CPA6: variants seen among roughly 807,000 people sequenced by gnomAD.
CPA6 encodes carboxypeptidase A6.
Under a neutral mutation model 63.3 loss-of-function variants are expected in CPA6, and 58 were observed. That is an observed-to-expected ratio of 0.92 (90% CI 0.74 to 1.14). The LOEUF is 1.14. Among genes scored for constraint, CPA6 ranks in the 50% most tolerant of loss-of-function variants. CPA6 has a pLI of 0.00. For synonymous variants in CPA6, 185 were observed against 179.0 expected (o/e 1.03, Z -0.27); for missense variants, 565 against 526.6 (o/e 1.07, Z -0.71).
chr8:67,630,803 G>A (rs1185413760), intron 1 of CPA6, among the ~76,000 whole-genome samples: 8 of 152,220 alleles, frequency 5.3e-5, no homozygotes, highest in Admixed American at 3.9e-4. Context: ...CAGGCTCCGC[G>A]GCCCCGCACT....
chr8:67,631,744 C>G (rs892474941), intron 1 of CPA6, among the ~76,000 whole-genome samples: 5 of 152,146 alleles, frequency 3.3e-5, no homozygotes, highest in African/African-American at 9.7e-5. Flanking sequence ...TCTGCACTGC[C>G]TTTATGAGCT....
intron 1 of CPA6, among the ~76,000 whole-genome samples, chr8:67,645,661 G>C (rs1041664072): frequency 6.6e-6 from 1 of 152,158 alleles, no homozygotes; most frequent in African/African-American, 2.4e-5. Flanking sequence ...CAGCTTCAAG[G>C]TTTAGAGAAA....
intron 2 of CPA6, among the ~76,000 whole-genome samples, chr8:67,533,806 T>C (rs2128969397): frequency 6.6e-6 from 1 of 152,312 alleles, no homozygotes; most frequent in Non-Finnish European, 1.5e-5. Flanking sequence ...ACTCCCTTCC[T>C]AAGTAGAATG....
intron 8 of CPA6, among the ~76,000 whole-genome samples, chr8:67,444,713 A>C (rs1810374757): frequency 6.6e-6 from 1 of 150,386 alleles, no homozygotes. Flanking sequence ...AACCCGGGAG[A>C]CGGAGGTTGC....
At chr8:67,428,781 C>T (rs184937051) in intron 9 of CPA6, among the ~76,000 whole-genome samples, 3 of 152,298 alleles carry the variant, frequency 2.0e-5, no homozygotes, top group Non-Finnish European at 4.4e-5. Context: ...CCGCACCCGG[C>T]CAGGGATACC....
At chr8:67,539,768 C>T (rs1444419096) in intron 2 of CPA6, among the ~76,000 whole-genome samples, 1 of 151,952 alleles carries the variant, frequency 6.6e-6, no homozygotes, top group Non-Finnish European at 1.5e-5. Context: ...CTCTGGTATC[C>T]TTTCTTTTGC....
intron 1 of CPA6, among the ~76,000 whole-genome samples, chr8:67,708,400 T>G (rs1817184500): frequency 6.6e-6 from 1 of 152,170 alleles, no homozygotes; most frequent in Admixed American, 6.5e-5. Flanking sequence ...TTCTAATAAA[T>G]CTATTAAAGT....
chr8:67,743,445 C>A (rs1454551001), intron 1 of CPA6, among the ~76,000 whole-genome samples: 2 of 152,008 alleles, frequency 1.3e-5, no homozygotes, highest in East Asian at 1.9e-4. Context: ...GGTATCTATC[C>A]CCTTAAGCGT....
chr8:67,547,402 A>G (rs999946554), intron 2 of CPA6, among the ~76,000 whole-genome samples: 10 of 152,230 alleles, frequency 6.6e-5, no homozygotes, highest in Non-Finnish European at 1.3e-4. Flanking sequence ...TTCCTGGTAC[A>G]TGGTAGATGC....
intron 2 of CPA6, among the ~76,000 whole-genome samples, chr8:67,542,441 G>A (rs1014792894): frequency 6.6e-6 from 1 of 152,154 alleles, no homozygotes; most frequent in Non-Finnish European, 1.5e-5. Flanking sequence ...CACTTATTTG[G>A]CTGCAGAGAA....
intron 1 of CPA6, among the ~76,000 whole-genome samples, chr8:67,639,076 C>T (rs1024086484): frequency 6.6e-6 from 1 of 151,626 alleles, no homozygotes; most frequent in African/African-American, 2.4e-5. Flanking sequence ...CCAGTAGAAA[C>T]AACAAAGAGC....
intron 6 of CPA6, among the ~76,000 whole-genome samples, chr8:67,492,332 A>G (rs943782291): frequency 1.3e-5 from 2 of 151,662 alleles, no homozygotes; most frequent in African/African-American, 4.8e-5. Flanking sequence ...AGTACAAAGG[A>G]AAAAAAAATA....
intron 1 of CPA6, among the ~76,000 whole-genome samples, chr8:67,675,407 C>T (rs755853708): frequency 5.9e-5 from 9 of 152,186 alleles, no homozygotes; most frequent in South Asian, 2.1e-4. Flanking sequence ...GGTGGTTTTA[C>T]GCCCTTTTTA....
At chr8:67,560,474 C>T (rs1490084241) in intron 2 of CPA6, among the ~76,000 whole-genome samples, 2 of 152,132 alleles carry the variant, frequency 1.3e-5, no homozygotes, top group African/African-American at 4.8e-5. Flanking sequence ...CACAGAGGCA[C>T]AGAGCACTGG....
chr8:67,578,967 AT>A (rs773029591), intron 2 of CPA6, among the ~76,000 whole-genome samples: 14 of 152,196 alleles, frequency 9.2e-5, no homozygotes, highest in Non-Finnish European at 1.6e-4. Context: ...ACATTTGTAA[AT>A]TTATTCAAAG....
intron 2 of CPA6, among the ~76,000 whole-genome samples, chr8:67,548,043 C>T (rs1254698891): frequency 1.3e-5 from 2 of 152,024 alleles, no homozygotes; most frequent in African/African-American, 4.8e-5. Context: ...TTGTTTTAGA[C>T]CAGGGAACTT....
chr8:67,655,780 T>C (rs1242277957), intron 1 of CPA6, among the ~76,000 whole-genome samples: 2 of 152,126 alleles, frequency 1.3e-5, no homozygotes, highest in Non-Finnish European at 2.9e-5. Context: ...CAATCCCTGA[T>C]TTTAAAACTA....
intron 2 of CPA6, among the ~76,000 whole-genome samples, chr8:67,600,065 T>C (rs1479593132): frequency 1.4e-5 from 2 of 148,112 alleles, no homozygotes; most frequent in Non-Finnish European, 3.0e-5. Flanking sequence ...AGGACACATT[T>C]CTTTTTTTTT....
intron 8 of CPA6, among the ~76,000 whole-genome samples, chr8:67,463,344 T>C (rs1288063935): frequency 1.3e-5 from 2 of 151,978 alleles, no homozygotes; most frequent in Admixed American, 1.3e-4. Context: ...CTTGGGAGGC[T>C]AAGGCAGGAG....
Sources: gnomAD v4.1 joint callset for allele counts (sites outside exome capture counted in the v4.1 genomes callset) on GRCh38, gnomAD v4.1.1 for gene constraint, MANE v1.5 for transcripts, NCBI Gene and HGNC (gene_info 2026-07-23, HGNC 2026-07-21) for gene names.